EXT1: variants seen among roughly 807,000 people sequenced by gnomAD.
EXT1 encodes the protein exostosin-1.
A neutral mutation model predicts 82.5 loss-of-function variants in EXT1; 20 were observed. The observed-to-expected ratio is 0.24, with a 90% CI of 0.17 to 0.35. The LOEUF (loss-of-function observed/expected upper bound fraction) is 0.35. EXT1 is among the 10% of genes least tolerant of loss of function. The pLI, the probability that EXT1 is intolerant of heterozygous loss-of-function variation, is 1.00. For synonymous variants in EXT1, 348 were observed against 350.8 expected (o/e 0.99, Z 0.09); for missense variants, 757 against 936.5 (o/e 0.81, Z 2.50).
chr8:117,819,852 T>G, intron 5 of EXT1, 58 bp from the exon 6 acceptor site: 2 of 1,490,210 alleles, frequency 1.3e-6, no homozygotes, highest in Non-Finnish European at 1.9e-6. Context: ...ACTTAGAAAA[T>G]TACTCCTCCT....
chr8:118,052,961 T>C (rs17505691), intron 1 of EXT1, among the ~76,000 whole-genome samples: 3,194 of 152,228 alleles, frequency 0.021, 108 homozygotes, highest in African/African-American at 0.073. Flanking sequence ...CTTGTTTGAA[T>C]TGGGGACACA....
chr8:117,868,455 T>C (rs902336692), intron 1 of EXT1, among the ~76,000 whole-genome samples: 3 of 152,086 alleles, frequency 2.0e-5, no homozygotes, highest in Admixed American at 6.5e-5. Context: ...AAAAATGTTT[T>C]GTTTGTTTGT....
chr8:117,834,914 C>T (rs188865170), intron 3 of EXT1, among the ~76,000 whole-genome samples: 5 of 152,246 alleles, frequency 3.3e-5, no homozygotes, highest in African/African-American at 9.6e-5. Flanking sequence ...GTATCCCCCT[C>T]CCTAGGCAGC....
chr8:118,096,657 A>AG (rs1817620871), intron 1 of EXT1, among the ~76,000 whole-genome samples: 1 of 102,240 alleles, frequency 9.8e-6, no homozygotes, highest in Non-Finnish European at 1.9e-5. Context: ...GAAGGAAGGA[A>AG]GGAAGGAAGG....
At chr8:117,829,536 AT>A (rs1285658198) in intron 4 of EXT1, among the ~76,000 whole-genome samples, 1 of 132,294 alleles carries the variant, frequency 7.6e-6, no homozygotes. Flanking sequence ...ATGGTAGAGG[AT>A]TTGCCCTTAC....
chr8:117,802,805 C>T (rs1168630423), intron 10 of EXT1, among the ~76,000 whole-genome samples: 1 of 152,178 alleles, frequency 6.6e-6, no homozygotes, highest in African/African-American at 2.4e-5. Context: ...TAGAAGGAAA[C>T]AGAATTTTCT....
chr8:118,014,659 T>C (rs1443474249), intron 1 of EXT1, among the ~76,000 whole-genome samples: 1 of 152,080 alleles, frequency 6.6e-6, no homozygotes, highest in African/African-American at 2.4e-5. Flanking sequence ...AGGCTGGTCT[T>C]AAATGCCTGG....
intron 1 of EXT1, among the ~76,000 whole-genome samples, chr8:117,991,494 G>C (rs933843971): frequency 1.3e-5 from 2 of 152,216 alleles, no homozygotes; most frequent in East Asian, 3.9e-4. Context: ...ATCTTTTGCT[G>C]GTTCTGAGTC....
intron 1 of EXT1, among the ~76,000 whole-genome samples, chr8:117,968,839 G>GCTCTA (rs1814882164): frequency 1.5e-5 from 1 of 64,532 alleles, no homozygotes; most frequent in Non-Finnish European, 2.5e-5. Context: ...AAAGTGCTGG[G>GCTCTA]ATTACAGGCG....
At chr8:117,873,614 C>T (rs1812915339) in intron 1 of EXT1, among the ~76,000 whole-genome samples, 1 of 151,964 alleles carries the variant, frequency 6.6e-6, no homozygotes, top group African/African-American at 2.4e-5. Flanking sequence ...TGCCACCACG[C>T]CTGGCTAATT....
chr8:117,857,160 G>A (rs1812578915), intron 1 of EXT1, among the ~76,000 whole-genome samples: 1 of 152,246 alleles, frequency 6.6e-6, no homozygotes, highest in Middle Eastern at 3.4e-3. Flanking sequence ...GCGTTCGTTG[G>A]CAAGTCACCT....
chr8:118,095,946 C>T (rs918605272), intron 1 of EXT1, among the ~76,000 whole-genome samples: 10 of 152,208 alleles, frequency 6.6e-5, no homozygotes, highest in African/African-American at 2.2e-4. Flanking sequence ...CAATTGTACA[C>T]CTTCCCTTTG....
At chr8:117,932,041 A>G (rs1275137669) in intron 1 of EXT1, among the ~76,000 whole-genome samples, 1 of 152,254 alleles carries the variant, frequency 6.6e-6, no homozygotes, top group African/African-American at 2.4e-5. Context: ...CAAATTTTTT[A>G]AAACAAAAGC....
At chr8:118,047,038 C>G (rs1816633438) in intron 1 of EXT1, among the ~76,000 whole-genome samples, 1 of 152,146 alleles carries the variant, frequency 6.6e-6, no homozygotes, top group Admixed American at 6.5e-5. Flanking sequence ...ACCAGATTTC[C>G]TAAGGAGGGT....
intron 1 of EXT1, among the ~76,000 whole-genome samples, chr8:118,102,166 C>T (rs185449214): frequency 9.3e-4 from 142 of 152,082 alleles, no homozygotes; most frequent in Non-Finnish European, 1.4e-3. Flanking sequence ...ACTCGGGAGG[C>T]TGAAGCAGCA....
chr8:117,953,368 T>C (rs1586306132), intron 1 of EXT1, among the ~76,000 whole-genome samples: 2 of 152,198 alleles, frequency 1.3e-5, no homozygotes, highest in Middle Eastern at 3.4e-3. Flanking sequence ...GGACCCCAGA[T>C]TATAGGAGAA....
rs544033328 is a variant in EXT1 at position 117,804,283 on chromosome 8, C to G, written c.2055+439G>C. ...CCCTTCTTTCTGCCATGTGAAGACACAATGAGCAGAGGGCTATCTATGAAT... is the reference window on the plus strand; with the variant it reads ...CCCTTCTTTCTGCCATGTGAAGACAGAATGAGCAGAGGGCTATCTATGAAT... On this transcript the variant is annotated intron_variant, in intron 10 of 10. Coordinates refer to ENST00000378204, the MANE Select transcript of EXT1 (RefSeq NM_000127.3). Among the ~76,000 whole-genome samples the G allele has an allele frequency of 2.9e-4, 44 of 152,304 alleles. 1 individual carries two copies. The highest frequency in any genetic ancestry group is 1.1e-3 in the African/African-American group (44 of 41,578).
At chr8:117,982,476 T>C (rs1022977670) in intron 1 of EXT1, among the ~76,000 whole-genome samples, 3 of 152,070 alleles carry the variant, frequency 2.0e-5, no homozygotes, top group African/African-American at 7.2e-5. Flanking sequence ...AGGCCAACTA[T>C]TTAGGGCTTT....
At chr8:118,097,689 T>C (rs1219816286) in intron 1 of EXT1, among the ~76,000 whole-genome samples, 2 of 152,200 alleles carry the variant, frequency 1.3e-5, no homozygotes, top group African/African-American at 4.8e-5. Flanking sequence ...GCTATGAGCA[T>C]CTAGAAGGCA....
Sources: gnomAD v4.1 joint callset for allele counts (sites outside exome capture counted in the v4.1 genomes callset) on GRCh38, gnomAD v4.1.1 for gene constraint, MANE v1.5 for transcripts, NCBI Gene and HGNC (gene_info 2026-07-23, HGNC 2026-07-21) for gene names.